The following IL6R variants were observed in gnomAD, a reference collection of about 807,000 sequenced individuals.
IL6R encodes the protein interleukin-6 receptor subunit alpha.
A neutral mutation model predicts 48.3 loss-of-function variants in IL6R; 38 were observed. The observed-to-expected ratio is 0.79, with a 90% CI of 0.61 to 1.03. The LOEUF is 1.03. IL6R is among the 50% of genes least tolerant of loss of function. IL6R has a pLI of 0.00. For missense variants in IL6R, 534 were observed against 618.3 expected (o/e 0.86, Z 1.45); for synonymous variants, 264 against 256.2 (o/e 1.03, Z -0.29).
chr1:154,430,414 C>G (rs1319832283), intron 2 of IL6R, 69 bp from the exon 3 acceptor site: 1 of 1,581,848 alleles, frequency 6.3e-7, no homozygotes, highest in Non-Finnish European at 8.6e-7. Context: ...GGAGGCTGCC[C>G]TGTCTGCGAG....
At chr1:154,448,875 C>G (rs1459702829) in intron 7 of IL6R, among the ~76,000 whole-genome samples, 1 of 73,306 alleles carries the variant, frequency 1.4e-5, no homozygotes. Context: ...CTTGTAAGGG[C>G]TTTTTTTTTT....
At chr1:154,462,113 A>G (rs1691296766) in intron 9 of IL6R, among the ~76,000 whole-genome samples, 1 of 152,186 alleles carries the variant, frequency 6.6e-6, no homozygotes, top group African/African-American at 2.4e-5. Flanking sequence ...CTGCTTCATT[A>G]TAACTATTAA....
chr1:154,447,438 CAAAAAAAAAAAAA>C (rs201893129), intron 6 of IL6R, among the ~76,000 whole-genome samples: 7,827 of 35,964 alleles, frequency 0.22, 1,128 homozygotes, highest in African/African-American at 0.42. Context: ...AACTCCATCT[CAAAAAAAAAAAAA>C]AAAATATATA....
intron 1 of IL6R, among the ~76,000 whole-genome samples, chr1:154,420,215 G>A (rs913044626): frequency 6.6e-6 from 1 of 152,104 alleles, no homozygotes; most frequent in Non-Finnish European, 1.5e-5. Context: ...TAAATCCATA[G>A]ATTCATTATG....
chr1:154,454,518 C>T lies in IL6R; in HGVS notation c.1097C>T (p.Thr366Ile). 1 of 1,613,650 alleles carries T rather than the reference C, an allele frequency of 6.2e-7. No individual in the cohort carries two copies. The highest frequency in any genetic ancestry group is 8.5e-7 in the Non-Finnish European group (1 of 1,179,608). The part of the protein sequence containing the change: ...VQDSSSVPLP[T>I]FLVAGGSLAF... ...GATTCTTCTTCAGTACCACTGCCCA[C>T]ATTCCTGGTTGCTGGAGGGAGCCTG... Residue 366 changes from threonine to isoleucine, a missense_variant, in exon 9 of 10, where the codon ACA becomes ATA. Physicochemically the swap from Thr to Ile is moderately conservative, Grantham distance 89 (BLOSUM62 -1). Coordinates refer to ENST00000368485, the MANE Select transcript of IL6R (RefSeq NM_000565.4).
intron 1 of IL6R, among the ~76,000 whole-genome samples, chr1:154,410,298 T>A (rs1471231443): frequency 6.6e-6 from 1 of 151,832 alleles, no homozygotes; most frequent in Admixed American, 6.6e-5. Context: ...GTAGCCCAGG[T>A]TGGAGTGCAG....
intron 6 of IL6R, chr1:154,445,097 G>A: frequency 2.2e-6 from 1 of 456,240 alleles, no homozygotes; most frequent in Non-Finnish European, 4.4e-6. Context: ...AGCTGGAGGT[G>A]AGTCATTTCT....
At chr1:154,459,737 A>G (rs1165501591) in intron 9 of IL6R, among the ~76,000 whole-genome samples, 3 of 152,102 alleles carry the variant, frequency 2.0e-5, no homozygotes, top group Admixed American at 6.6e-5. Context: ...CTCCCACCCT[A>G]TTCTCTGTCC....
intron 1 of IL6R, among the ~76,000 whole-genome samples, chr1:154,421,931 C>T (rs1182218312): frequency 6.9e-6 from 1 of 144,448 alleles, no homozygotes; most frequent in Non-Finnish European, 1.5e-5. Context: ...ACTCTCAATT[C>T]TTTTTTTTTT....
At chr1:154,436,163 A>G (rs1570965689) in intron 6 of IL6R, 53 bp downstream of exon 6, 1 of 1,551,118 alleles carries the variant, frequency 6.4e-7, no homozygotes, top group East Asian at 2.3e-5. Flanking sequence ...TCATTGCATC[A>G]GGTATCCATT....
chr1:154,431,720 C>T (rs1689305373), intron 3 of IL6R, among the ~76,000 whole-genome samples: 1 of 152,028 alleles, frequency 6.6e-6, no homozygotes, highest in South Asian at 2.1e-4. Flanking sequence ...GGCTTTCTGA[C>T]CATGTGTTAG....
chr1:154,448,403 G>A (rs1042818600), intron 7 of IL6R, among the ~76,000 whole-genome samples: 1 of 152,212 alleles, frequency 6.6e-6, no homozygotes, highest in African/African-American at 2.4e-5. Context: ...ACTGCTCTGC[G>A]TCTAGCAGCT....
chr1:154,444,667 G>A (rs1472655887), intron 6 of IL6R, among the ~76,000 whole-genome samples: 1 of 152,152 alleles, frequency 6.6e-6, no homozygotes, highest in Non-Finnish European at 1.5e-5. Context: ...CGAGGCTGAT[G>A]GGGGAGGATT....
rs201893129 is a variant in IL6R, at chr1:154,447,438, CAAAAA to C, written c.950-674_950-670del. On this transcript the variant is annotated intron_variant, in intron 6 of 9. Coordinates refer to ENST00000368485, the MANE Select transcript of IL6R (RefSeq NM_000565.4). ...TGGGCAAAAGAGTGAAACTCCATCT[CAAAAA>C]AAAAAAAAAAAATATATATATATAT... 7.9e-3 allele frequency among the ~76,000 whole-genome samples: 304 copies of C among 38,314 alleles called. 33 individuals carry two copies. Among genetic ancestry groups the C allele is most frequent in the East Asian group, 0.036 (54 of 1,516 alleles). 25.1% of individuals were successfully genotyped at this position (38,314 alleles called of 152,430 possible). A position where few individuals can be genotyped will look rare whatever the true frequency, so the allele number is the denominator to read the frequency against.
Position 154,468,577 on chromosome 1 carries a change from T to G in IL6R, c.*3197T>G, listed in dbSNP as rs1202568704. 6.6e-6 allele frequency: 1 copy of G among 152,162 alleles called. No homozygotes were observed. Among genetic ancestry groups the G allele is most frequent in the Non-Finnish European group, 1.5e-5 (1 of 68,026 alleles). The allele number at this position is 152,162 out of a possible 1,614,324, so 9.4% of individuals were successfully genotyped here. On this transcript the variant is annotated 3_prime_UTR_variant, in exon 10 of 10. Transcript: ENST00000368485. ...CCCTGATGGGGACTTGCCCTTACGC[T>G]TTCTTTATCAGGCTCTGAGTTCACA...
At chr1:154,409,019 A>G (rs1687884861) in intron 1 of IL6R, among the ~76,000 whole-genome samples, 1 of 152,140 alleles carries the variant, frequency 6.6e-6, no homozygotes, top group Admixed American at 6.5e-5. Context: ...CAGTGACATG[A>G]GCCTGTAGTC....
chr1:154,413,796 G>A (rs1299921640), intron 1 of IL6R, among the ~76,000 whole-genome samples: 1 of 148,718 alleles, frequency 6.7e-6, no homozygotes, highest in Non-Finnish European at 1.5e-5. Context: ...TTGGTGGTGG[G>A]GGTGGTTTTT....
At chr1:154,408,100 T>C (rs956668178) in intron 1 of IL6R, among the ~76,000 whole-genome samples, 4 of 152,124 alleles carry the variant, frequency 2.6e-5, no homozygotes, top group African/African-American at 9.7e-5. Context: ...GGGAGGGCTT[T>C]GGTAAACATG....
intron 8 of IL6R, among the ~76,000 whole-genome samples, chr1:154,452,311 C>T (rs1690626965): frequency 6.6e-6 from 1 of 152,128 alleles, no homozygotes; most frequent in African/African-American, 2.4e-5. Flanking sequence ...CCATGTGGTC[C>T]CCTATCTTTA....
Sources: allele counts gnomAD v4.1 joint callset (sites outside exome capture counted in the v4.1 genomes callset), GRCh38; gene constraint gnomAD v4.1.1; transcripts MANE v1.5; gene names NCBI Gene and HGNC (gene_info 2026-07-23, HGNC 2026-07-21).